HOMER2: variants seen among roughly 807,000 people sequenced by gnomAD.
HOMER2 encodes homer protein homolog 2.
In HOMER2, 27 loss-of-function variants were observed where a neutral mutation model predicts 47.0. The observed-to-expected ratio is 0.57, with a 90% CI of 0.42 to 0.79. The LOEUF is 0.79. Among genes scored for constraint, HOMER2 ranks in the 30% least tolerant of loss-of-function variants. The pLI, the probability that HOMER2 is intolerant of heterozygous loss-of-function variation, is 0.00. For synonymous variants in HOMER2, 161 were observed against 163.8 expected (o/e 0.98, Z 0.13); for missense variants, 443 against 435.0 (o/e 1.02, Z -0.16).
chr15:82,939,189 A>G (rs2054206649), intron 1 of HOMER2, among the ~76,000 whole-genome samples: 1 of 152,188 alleles, frequency 6.6e-6, no homozygotes, highest in Admixed American at 6.6e-5. Flanking sequence ...TCCCCAAAAG[A>G]ACTGCATCTC....
At chr15:82,892,614 C>T (rs2052748551) in intron 2 of HOMER2, 71 bp downstream of exon 2, 2 of 1,221,590 alleles carry the variant, frequency 1.6e-6, no homozygotes, top group Non-Finnish European at 2.2e-6. Context: ...GTTAAGACGG[C>T]AGGATTTTGG....
chr15:82,915,009 C>T (rs1412847442), intron 1 of HOMER2, among the ~76,000 whole-genome samples: 2 of 151,906 alleles, frequency 1.3e-5, no homozygotes, highest in East Asian at 1.9e-4. Flanking sequence ...CATAATGTGA[C>T]AAAAAATACA....
intron 1 of HOMER2, among the ~76,000 whole-genome samples, chr15:82,934,532 G>A (rs1401582470): frequency 6.6e-6 from 1 of 151,920 alleles, no homozygotes; most frequent in Middle Eastern, 3.4e-3. Context: ...TTCCCATCTC[G>A]CAGAGACCTC....
chr15:82,945,104 A>G lies in HOMER2; in HGVS notation c.5+7427T>C, dbSNP rs532036295. Reference sequence around the variant, plus strand: ...TAAGGAGCCGTGACTCACCCAAATGACACAGGCACTGCAAATTACCCAATG... The same window carrying G: ...TAAGGAGCCGTGACTCACCCAAATGGCACAGGCACTGCAAATTACCCAATG... On this transcript the variant is annotated intron_variant, in intron 1 of 8. Transcript: ENST00000450735. 2.5e-4 allele frequency among the ~76,000 whole-genome samples: 38 copies of G among 152,278 alleles called. 1 individual carries two copies. Among genetic ancestry groups the G allele is most frequent in the African/African-American group, 8.7e-4 (36 of 41,558 alleles).
At chr15:82,943,345 A>C (rs555868812) in intron 1 of HOMER2, among the ~76,000 whole-genome samples, 1 of 152,298 alleles carries the variant, frequency 6.6e-6, no homozygotes, top group East Asian at 1.9e-4. Context: ...ACGGTGCTCC[A>C]TGACAATGCA....
At chr15:82,963,759 ATC>A (rs1469408980) in intron 1 of HOMER2, among the ~76,000 whole-genome samples, 1 of 152,202 alleles carries the variant, frequency 6.6e-6, no homozygotes, top group Non-Finnish European at 1.5e-5. Flanking sequence ...AGGCAGTCTT[ATC>A]ATGGGATCTT....
At chr15:82,846,504 A>G (rs180957280), downstream of HOMER2, 164 of 152,358 alleles carry the variant, frequency 1.1e-3, no homozygotes, top group African/African-American at 3.8e-3. Flanking sequence ...CTTGGCACCC[A>G]CGGGTCACCA....
chr15:82,856,082 C>G (rs1415839261), intron 5 of HOMER2, among the ~76,000 whole-genome samples: 1 of 152,122 alleles, frequency 6.6e-6, no homozygotes, highest in African/African-American at 2.4e-5. Flanking sequence ...TCAAGGACCT[C>G]GAGGACTTGG....
chr15:82,836,398 C>T (rs896002948), downstream of HOMER2, among the ~76,000 whole-genome samples: 3 of 152,202 alleles, frequency 2.0e-5, no homozygotes, highest in African/African-American at 7.2e-5. Flanking sequence ...TGGTTGCCTC[C>T]CCTGGGCAGC....
chr15:82,915,818 A>T (rs1268362254), intron 1 of HOMER2, among the ~76,000 whole-genome samples: 1 of 152,254 alleles, frequency 6.6e-6, no homozygotes, highest in African/African-American at 2.4e-5. Context: ...ATTAAAAACA[A>T]AAACAAACAA....
chr15:82,953,006 T>TTA (rs2054542507), upstream of HOMER2, among the ~76,000 whole-genome samples: 1 of 152,212 alleles, frequency 6.6e-6, no homozygotes, highest in African/African-American at 2.4e-5. Context: ...CTGATGGACT[T>TTA]AAAGTCCCAT....
At chr15:82,966,370 G>A (rs949197130) in intron 1 of HOMER2, among the ~76,000 whole-genome samples, 5 of 152,174 alleles carry the variant, frequency 3.3e-5, no homozygotes, top group African/African-American at 9.7e-5. Context: ...ATGTGGGTCA[G>A]TAAGTATATT....
intron 1 of HOMER2, among the ~76,000 whole-genome samples, chr15:82,984,166 A>G (rs1461931589): frequency 1.3e-5 from 2 of 151,204 alleles, no homozygotes; most frequent in African/African-American, 2.4e-5. Context: ...CCGAGTAGCT[A>G]GGACTACAGG....
chr15:82,851,267 A>C (rs1191851414), intron 7 of HOMER2, 36 bp from the exon 8 acceptor site: 9 of 1,362,450 alleles, frequency 6.6e-6, no homozygotes, highest in South Asian at 1.2e-5. Context: ...ACATGAAAGC[A>C]AGTCAGATAA....
exon 2 of HOMER2, chr15:82,842,543 A>C (rs866245635): frequency 7.0e-6 from 1 of 143,090 alleles, no homozygotes; most frequent in Non-Finnish European, 1.5e-5. Flanking sequence ...CGAACTCCTG[A>C]TCTCAGGTGA....
intron 1 of HOMER2, among the ~76,000 whole-genome samples, chr15:82,977,774 G>C (rs1265830372): frequency 1.3e-5 from 2 of 152,204 alleles, no homozygotes; most frequent in Non-Finnish European, 2.9e-5. Context: ...AATGTGTTAT[G>C]TACAAGAGGT....
chr15:82,977,528 T>C (rs754731289), intron 1 of HOMER2, among the ~76,000 whole-genome samples: 102 of 151,336 alleles, frequency 6.7e-4, no homozygotes, highest in Admixed American at 1.7e-3. Context: ...AAATCAGTTT[T>C]AGAGCTGGAG....
intron 1 of HOMER2, among the ~76,000 whole-genome samples, chr15:82,978,632 C>T (rs1273562511): frequency 6.6e-6 from 1 of 152,122 alleles, no homozygotes; most frequent in East Asian, 1.9e-4. Flanking sequence ...CCAACAAACC[C>T]CGTGTGTTGT....
intron 4 of HOMER2, among the ~76,000 whole-genome samples, chr15:82,863,704 A>G (rs1296982685): frequency 6.6e-6 from 1 of 152,250 alleles, no homozygotes; most frequent in African/African-American, 2.4e-5. Context: ...AGACTACTGA[A>G]TTCCTGGCCA....
Sources: gnomAD v4.1 joint callset for allele counts (sites outside exome capture counted in the v4.1 genomes callset) on GRCh38, gnomAD v4.1.1 for gene constraint, MANE v1.5 for transcripts, NCBI Gene and HGNC (gene_info 2026-07-23, HGNC 2026-07-21) for gene names.